CLEC16A: variants seen among roughly 807,000 people sequenced by gnomAD.
The protein encoded by CLEC16A is C-type lectin domain containing 16A.
CLEC16A carries 51 observed loss-of-function variants against 109.5 expected under a neutral mutation model. That is an observed-to-expected ratio of 0.47 (90% confidence interval 0.37 to 0.59). CLEC16A has a LOEUF of 0.59. Among genes scored for constraint, CLEC16A ranks in the 20% least tolerant of loss-of-function variants. The pLI, the probability that CLEC16A is intolerant of heterozygous loss-of-function variation, is 0.00. For missense variants in CLEC16A, 1,339 were observed against 1,394.0 expected, an observed-to-expected ratio of 0.96 and a Z score of 0.63; for synonymous variants, 673 against 564.2, an observed-to-expected ratio of 1.19 and a Z score of -2.73.
chr16:11,089,858 C>T (rs2050207593), intron 19 of CLEC16A, among the ~76,000 whole-genome samples: 1 of 152,234 alleles, frequency 6.6e-6, no homozygotes, highest in Non-Finnish European at 1.5e-5. Flanking sequence ...AACCAGTCAA[C>T]CCTGTGCTCT....
intron 7 of CLEC16A, among the ~76,000 whole-genome samples, chr16:10,974,334 T>C (rs1460389091): frequency 6.6e-6 from 1 of 152,216 alleles, no homozygotes; most frequent in Non-Finnish European, 1.5e-5. Context: ...ATGTGAATTA[T>C]ACTTCAATAA....
At position 10,954,339 on chromosome 16, in the gene CLEC16A, G is replaced by A. The variant is rs909943399; in HGVS notation, c.81-3443G>A. ...AGCCCTCGCAGAGAACCAGGCACGT[G>A]GGGGCTCCTAGAATCTTTTTTTCAG... On this transcript the variant is annotated intron_variant, in intron 1 of 23. Coordinates refer to ENST00000409790, the MANE Select transcript of CLEC16A (RefSeq NM_015226.3). The surrounding 1 kb of genome is among the most constrained non-coding windows in gnomAD (Gnocchi z 4.2). Among the ~76,000 whole-genome samples the A allele has an allele frequency of 6.6e-6, 1 of 152,148 alleles. No individual in the cohort carries two copies. Among genetic ancestry groups the A allele is most frequent in the Non-Finnish European group, 1.5e-5 (1 of 67,998 alleles).
chr16:11,010,007 G>C (rs1253182340), intron 11 of CLEC16A, among the ~76,000 whole-genome samples: 1 of 152,090 alleles, frequency 6.6e-6, no homozygotes, highest in African/African-American at 2.4e-5. Flanking sequence ...TAAAAAACTA[G>C]CCAGTCACAG....
intron 13 of CLEC16A, among the ~76,000 whole-genome samples, chr16:11,037,940 C>G (rs1300013960): frequency 6.6e-6 from 1 of 152,116 alleles, no homozygotes; most frequent in Non-Finnish European, 1.5e-5. Flanking sequence ...AAGCCAGAAT[C>G]CTTCAGAGTT....
At chr16:10,947,809 G>A (rs1596689479) in intron 1 of CLEC16A, among the ~76,000 whole-genome samples, 2 of 152,244 alleles carry the variant, frequency 1.3e-5, no homozygotes, top group South Asian at 4.2e-4. Context: ...AGAGCAGTAT[G>A]GATGGAGAGG....
chr16:11,156,387 AC>A lies in CLEC16A; in HGVS notation c.2642-10000del, dbSNP rs376705839. Reference sequence around the variant, plus strand: ...TCCATCTCAAAAAAAAAAAAAAAAAACACAACTAATCTGCCACTCCTTGGCC... The same window carrying A: ...TCCATCTCAAAAAAAAAAAAAAAAAAACAACTAATCTGCCACTCCTTGGCC... On this transcript the variant is annotated intron_variant, in intron 22 of 23. Transcript: ENST00000409790. Among the ~76,000 whole-genome samples, 516 of 148,406 alleles carry A rather than the reference AC, an allele frequency of 3.5e-3. 30 individuals carry two copies. The highest frequency in any genetic ancestry group is 9.5e-3 in the African/African-American group (382 of 40,374).
Position 11,157,809 on chromosome 16 carries a change from G to T in CLEC16A, c.2642-8579G>T, listed in dbSNP as rs532406745. On this transcript the variant is annotated intron_variant, in intron 22 of 23. Transcript: ENST00000409790. ...AGCAGCCGTGGGTAGTTTGGGCCCTGTGCCCTGTCTTCCTAAGGTGGCTTT... is the reference window on the plus strand; with the variant it reads ...AGCAGCCGTGGGTAGTTTGGGCCCTTTGCCCTGTCTTCCTAAGGTGGCTTT... Among the ~76,000 whole-genome samples the T allele has an allele frequency of 7.2e-5, 11 of 152,316 alleles. No individual in the cohort carries two copies. The South Asian group carries it at 2.1e-3, about 29-fold the overall frequency.
chr16:11,091,010 G>A (rs1047768068), intron 19 of CLEC16A, among the ~76,000 whole-genome samples: 1 of 151,990 alleles, frequency 6.6e-6, no homozygotes, highest in Non-Finnish European at 1.5e-5. Context: ...ACGTTGCCCA[G>A]GCTAGTCTTA....
intron 19 of CLEC16A, among the ~76,000 whole-genome samples, chr16:11,094,783 A>G (rs573332788): frequency 2.7e-4 from 41 of 152,370 alleles, no homozygotes; most frequent in African/African-American, 9.9e-4. Context: ...CATGGTTGCC[A>G]TGAATTTTAC....
At chr16:11,060,311 C>T (rs1045906861) in intron 18 of CLEC16A, among the ~76,000 whole-genome samples, 6 of 149,396 alleles carry the variant, frequency 4.0e-5, no homozygotes, top group African/African-American at 1.0e-4. Context: ...ACCAAGGGAG[C>T]GGGAGTTGAA....
At chr16:11,146,300 G>C (rs550583061) in intron 22 of CLEC16A, among the ~76,000 whole-genome samples, 1 of 152,100 alleles carries the variant, frequency 6.6e-6, no homozygotes, top group African/African-American at 2.4e-5. Flanking sequence ...TTATCAAACT[G>C]TAAGCTCCAG....
At chr16:11,109,998 A>T (rs1271420152) in intron 19 of CLEC16A, among the ~76,000 whole-genome samples, 2 of 152,192 alleles carry the variant, frequency 1.3e-5, no homozygotes, top group African/African-American at 4.8e-5. Context: ...TAAATTATGG[A>T]TTGGCATCCG....
chr16:11,172,329 T>TAC (rs200602202), intron 23 of CLEC16A, among the ~76,000 whole-genome samples: 33 of 152,182 alleles, frequency 2.2e-4, no homozygotes, highest in Non-Finnish European at 3.2e-4. Flanking sequence ...CACAGTCACA[T>TAC]ACACACACAC....
intron 19 of CLEC16A, among the ~76,000 whole-genome samples, chr16:11,117,785 C>G (rs77193958): frequency 6.6e-6 from 1 of 152,134 alleles, no homozygotes; most frequent in Non-Finnish European, 1.5e-5. Context: ...AAATTGCACT[C>G]AAATAGTTCT....
At chr16:11,131,340 T>G (rs1057289684) in intron 22 of CLEC16A, among the ~76,000 whole-genome samples, 1 of 152,196 alleles carries the variant, frequency 6.6e-6, no homozygotes, top group Admixed American at 6.5e-5. Flanking sequence ...ACCCTTTCCA[T>G]AAACTCCAAG....
intron 22 of CLEC16A, among the ~76,000 whole-genome samples, chr16:11,144,103 G>A (rs748420609): frequency 1.3e-5 from 2 of 152,100 alleles, no homozygotes; most frequent in Non-Finnish European, 2.9e-5. Flanking sequence ...CCTGTCGCTC[G>A]GCACTTTCTC....
chr16:11,115,070 T>C (rs1036916784), intron 19 of CLEC16A, among the ~76,000 whole-genome samples: 6 of 152,234 alleles, frequency 3.9e-5, no homozygotes, highest in African/African-American at 1.4e-4. Flanking sequence ...CAGGTCTTTC[T>C]TCCGCTGAAG....
At position 11,003,279 on chromosome 16, in the gene CLEC16A, G is replaced by T; in HGVS notation, c.1277G>T (p.Gly426Val). Residue 426 changes from glycine to valine, a missense_variant, in exon 11 of 24, where the codon GGC becomes GTC. This residue lies in a region of CLEC16A where 1,061 missense variants were observed against 1,006.8 expected (regional missense o/e 1.05). Coordinates refer to ENST00000409790, the MANE Select transcript of CLEC16A (RefSeq NM_015226.3). ...AAAGGTACAGAGGGTGGTTCAAAAG[G>T]CATCAAGACGAGTGGGGAGAGTGAA... Reference protein sequence around the residue: ...KAKGTEGGSKGIKTSGESEEI... With the variant: ...KAKGTEGGSKVIKTSGESEEI... The T allele has an allele frequency of 1.9e-6, 3 of 1,612,326 alleles. No homozygotes were observed. Among genetic ancestry groups the T allele is most frequent in the South Asian group, 1.1e-5 (1 of 90,966 alleles).
At chr16:11,157,850 C>G (rs976798062) in intron 22 of CLEC16A, among the ~76,000 whole-genome samples, 1 of 152,170 alleles carries the variant, frequency 6.6e-6, no homozygotes, top group African/African-American at 2.4e-5. Context: ...GGTAGCCCCC[C>G]ACTGAGTAGC....
Sources: gnomAD v4.1 joint callset for allele counts (sites outside exome capture counted in the v4.1 genomes callset) on GRCh38, gnomAD v4.1.1 for gene constraint, gnomAD v4.1.1 regional missense constraint, Gnocchi (gnomAD v3.1) non-coding constraint, MANE v1.5 for transcripts, NCBI Gene and HGNC (gene_info 2026-07-23, HGNC 2026-07-21) for gene names.